Variants in EP300 observed in about 807,000 individuals in gnomAD.
EP300 encodes the protein histone acetyltransferase p300.
Under a neutral mutation model 264.0 loss-of-function variants are expected in EP300, and 31 were observed. The ratio of observed to expected loss-of-function variants is 0.12; its 90% CI spans 0.09 to 0.16. EP300 has a LOEUF of 0.16. Ranked by LOEUF, EP300 falls within the 10% of genes least tolerant of loss-of-function variation. The pLI is 1.00. For synonymous variants in EP300, 1,340 were observed against 1,045.4 expected (o/e 1.28, Z -5.44); for missense variants, 2,766 against 3,052.9 (o/e 0.91, Z 2.21).
intron 1 of EP300, among the ~76,000 whole-genome samples, chr22:41,104,528 G>A (rs973512270): frequency 2.6e-5 from 4 of 152,142 alleles, no homozygotes; most frequent in Non-Finnish European, 4.4e-5. Context: ...GACCTCAGGC[G>A]ATCCGCCCGC....
In EP300 at chr22:41,173,696, G is replaced by A; in HGVS notation, c.4691G>A (p.Ser1564Asn). ...KKTSKNKSSL[S>N]RGNKKKPGMP... is the part of the protein sequence containing the mutation. ...ACCAGCAAAAATAAGAGCAGCCTGAGTAGGGGCAACAAGAAGAAACCCGGG... is the reference window on the plus strand; with the variant it reads ...ACCAGCAAAAATAAGAGCAGCCTGAATAGGGGCAACAAGAAGAAACCCGGG... The change falls in exon 29 of 31, where the codon AGT becomes AAT. Residue 1564 changes from serine (S) to asparagine (N), a missense_variant. Coordinates refer to ENST00000263253, the MANE Select transcript of EP300 (RefSeq NM_001429.4). 1.2e-6 allele frequency: 2 copies of A among 1,614,192 alleles called. No homozygotes were observed. The highest frequency in any genetic ancestry group is 1.7e-6 in the Non-Finnish European group (2 of 1,180,034).
intron 10 of EP300, among the ~76,000 whole-genome samples, chr22:41,141,665 C>CTTTTTTTTTT (rs77123676): frequency 6.8e-6 from 1 of 146,122 alleles, no homozygotes. Flanking sequence ...TCTAGGAACT[C>CTTTTTTTTTT]TTTTTTTTTT....
At chr22:41,137,815 C>G (rs767679379) in intron 8 of EP300, 25 bp downstream of exon 8, 10 of 1,614,058 alleles carry the variant, frequency 6.2e-6, no homozygotes, top group Non-Finnish European at 8.5e-6. Flanking sequence ...GGACACGTCT[C>G]ATTCGTAAAG....
chr22:41,124,926 A>G (rs962059498), intron 2 of EP300, among the ~76,000 whole-genome samples: 2 of 151,964 alleles, frequency 1.3e-5, no homozygotes, highest in Admixed American at 6.6e-5. Context: ...CATACTTTGT[A>G]TAGTGGGTTT....
chr22:41,131,332 G>GT, intron 5 of EP300, 56 bp from the exon 6 acceptor site: 1 of 1,579,406 alleles, frequency 6.3e-7, no homozygotes, highest in African/African-American at 1.3e-5. Flanking sequence ...AGACATGTTA[G>GT]TCTTTTTTTT....
At chr22:41,171,652 C>CT (rs1346963518) in intron 27 of EP300, among the ~76,000 whole-genome samples, 2,933 of 144,448 alleles carry the variant, frequency 0.02, 71 homozygotes, top group African/African-American at 0.06. Context: ...TATATTCTCC[C>CT]TTTTTTTTTT....
intron 3 of EP300, among the ~76,000 whole-genome samples, chr22:41,126,729 C>CTTTTTTTTTTTTTTTTTTT (rs71328775): frequency 2.0e-5 from 1 of 48,792 alleles, no homozygotes; most frequent in Non-Finnish European, 3.4e-5. Context: ...GAAATGTTCA[C>CTTTTTTTTTTTTTTTTTTT]TTTTTTTTTT....
In EP300 at chr22:41,177,690, A is replaced by G. The variant is rs140403496; in HGVS notation, c.5979A>G (p.Pro1993=). Residue 1993 remains proline, a synonymous_variant, in exon 31 of 31, where the codon CCA becomes CCG. Transcript: ENST00000263253. ...GACCGACAGGGATGCAGCAACAGCC[A>G]CCCTGGAGCCAAGGAGGATTGCCTC... ...GMGPTGMQQQ[P]PWSQGGLPQP... 1.6e-5 allele frequency: 26 copies of G among 1,613,690 alleles called. No individual in the cohort carries two copies. The highest frequency in any genetic ancestry group is 2.2e-5 in the South Asian group (2 of 91,086).
At chr22:41,168,074 A>G (rs1488100963) in intron 23 of EP300, 1 of 319,666 alleles carries the variant, frequency 3.1e-6, no homozygotes, top group African/African-American at 2.2e-5. Flanking sequence ...CGCCCACCTC[A>G]GCCTCCCAAA....
chr22:41,148,724 G>A, intron 12 of EP300: 1 of 413,258 alleles, frequency 2.4e-6, no homozygotes, highest in East Asian at 5.1e-5. Context: ...TCACTTAACA[G>A]AGCATGCAAA....
chr22:41,092,823 G>A lies in EP300; in HGVS notation c.-182G>A. ...CGCACTTGCCCTTACCTTTTCTATC[G>A]AGTCCGCATCCCTCTCCAGCCACTG... is the stretch of plus-strand genomic sequence containing the variant. On this transcript the variant is annotated 5_prime_UTR_variant, in exon 1 of 31. Coordinates refer to ENST00000263253, the MANE Select transcript of EP300 (RefSeq NM_001429.4). 4.2e-6 allele frequency: 3 copies of A among 710,240 alleles called. No individual in the cohort carries two copies. Among genetic ancestry groups the A allele is most frequent in the Non-Finnish European group, 7.6e-6 (3 of 394,820 alleles). 44.0% of individuals were successfully genotyped at this position (710,240 alleles called of 1,614,324 possible). A position where few individuals can be genotyped will look rare whatever the true frequency, so the allele number is the denominator to read the frequency against.
Position 41,125,927 on chromosome 22 carries a change from A to G in EP300, c.793A>G (p.Ile265Val), listed in dbSNP as rs750375875. 16 of 1,614,114 alleles carry G rather than the reference A, an allele frequency of 9.9e-6. No homozygotes were observed. Among genetic ancestry groups the G allele is most frequent in the African/African-American group, 2.7e-5 (2 of 74,944 alleles). Residue 265 changes from isoleucine to valine, a missense_variant, in exon 3 of 31, where the codon ATT (isoleucine) becomes GTT (valine). Transcript: ENST00000263253. ...ATATACTCAGAATCCTGGACAGCAG[A>G]TTGGAGCCAGTGGCCTTGGTCTCCA... ...SPYTQNPGQQ[I>V]GASGLGLQIQ...
intron 27 of EP300, among the ~76,000 whole-genome samples, chr22:41,171,801 C>A (rs1022283904): frequency 6.6e-6 from 1 of 151,820 alleles, no homozygotes; most frequent in African/African-American, 2.4e-5. Flanking sequence ...TTAGTAGAGA[C>A]GGGGTTTCTC....
Position 41,150,199 on chromosome 22 carries a change from G to GT in EP300, c.2817+2dup. The GT allele has an allele frequency of 6.2e-7, 1 of 1,603,392 alleles. No individual in the cohort carries two copies. Among genetic ancestry groups the GT allele is most frequent in the Non-Finnish European group, 8.5e-7 (1 of 1,177,588 alleles). ...GCTTCCTCCGCAGCCTGCAACTCCAGTAAGTAGAGATTTGGATTTAGGCAG... is the reference window on the plus strand; with the variant it reads ...GCTTCCTCCGCAGCCTGCAACTCCAGTTAAGTAGAGATTTGGATTTAGGCAG... On this transcript the variant is annotated splice_donor_variant, in intron 14 of 30. Coordinates refer to ENST00000263253, the MANE Select transcript of EP300 (RefSeq NM_001429.4). LOFTEE classifies it high-confidence loss of function.
intron 19 of EP300, chr22:41,158,964 T>C: frequency 5.9e-6 from 1 of 170,148 alleles, no homozygotes; most frequent in Admixed American, 5.6e-5. Flanking sequence ...TTTCTTTGCC[T>C]CATATTAAGC....
chr22:41,101,610 A>C (rs1368585283), intron 1 of EP300, among the ~76,000 whole-genome samples: 8 of 151,400 alleles, frequency 5.3e-5, no homozygotes, highest in Admixed American at 5.3e-4. Context: ...ATGGGGTTTC[A>C]CCATGTTAGG....
Position 41,149,743 on chromosome 22 carries a change from T to C in EP300, c.2380-18T>C, listed in dbSNP as rs189468196. On this transcript the variant is annotated intron_variant, in intron 13 of 30. Coordinates refer to ENST00000263253, the MANE Select transcript of EP300 (RefSeq NM_001429.4). ...TCTGTTCTGAATTGCTGTCTTGTTA[T>C]GTTTTTTATTTTAACAGGCACAAAT... 82 of 1,613,518 alleles carry C rather than the reference T, an allele frequency of 5.1e-5. No individual in the cohort carries two copies. The African/African-American group carries it at 8.4e-4, about 17-fold the overall frequency.
chr22:41,146,759 A>G lies in EP300; in HGVS notation c.2074A>G (p.Ser692Gly). The change falls in exon 11 of 31, where the codon AGT becomes GGT. Residue 692 changes from serine to glycine, a missense_variant. Transcript: ENST00000263253. The part of the protein sequence containing the change: ...MTSNGPLPDP[S>G]MIRGSVPNQM... ...TCTAGATGGCCCTCTACCTGACCCA[A>G]GTATGATCCGTGGCAGTGTGCCAAA... The G allele has an allele frequency of 6.2e-7, 1 of 1,614,202 alleles. No homozygotes were observed. Among genetic ancestry groups the G allele is most frequent in the East Asian group, 2.2e-5 (1 of 44,886 alleles).
Position 41,172,482 on chromosome 22 carries a change from C to G in EP300, c.4453-17C>G, listed in dbSNP as rs2145769872. 1 of 1,595,352 alleles carries G rather than the reference C, an allele frequency of 6.3e-7. No homozygotes were observed. Among genetic ancestry groups the G allele is most frequent in the Non-Finnish European group, 8.6e-7 (1 of 1,163,248 alleles). On this transcript the variant is annotated splice_polypyrimidine_tract_variant and intron_variant, in intron 27 of 30. Coordinates refer to ENST00000263253, the MANE Select transcript of EP300 (RefSeq NM_001429.4). ...AAGAACATAGAAATTCCTATATGTA[C>G]ATGCATGTTTTCACAGGATATTTTT... is the stretch of plus-strand genomic sequence containing the variant.
Sources: allele counts gnomAD v4.1 joint callset (sites outside exome capture counted in the v4.1 genomes callset), GRCh38; gene constraint gnomAD v4.1.1; transcripts MANE v1.5; gene names NCBI Gene and HGNC (gene_info 2026-07-23, HGNC 2026-07-21).